KIF1A: variants seen among roughly 807,000 people sequenced by gnomAD.
The protein encoded by KIF1A is kinesin family member 1A.
A neutral mutation model predicts 227.3 loss-of-function variants in KIF1A; 46 were observed. The observed-to-expected ratio is 0.20, with a 90% CI of 0.16 to 0.26. The LOEUF is 0.26. KIF1A is among the 10% of genes least tolerant of loss of function. KIF1A has a pLI of 1.00. For missense variants in KIF1A, 1,683 were observed against 2,485.9 expected (o/e 0.68, Z 6.87); for synonymous variants, 1,022 against 1,012.8 (o/e 1.01, Z -0.17).
intron 47 of KIF1A, 122 bp from the exon 48 acceptor site, chr2:240,718,290 C>A: frequency 1.4e-6 from 1 of 738,094 alleles, no homozygotes; most frequent in Non-Finnish European, 2.4e-6. Context: ...AGGGAGGGGA[C>A]ACGGAGGGGA....
chr2:240,721,478 T>C (rs1310518185), intron 44 of KIF1A, among the ~76,000 whole-genome samples: 3 of 152,078 alleles, frequency 2.0e-5, no homozygotes, highest in Non-Finnish European at 2.9e-5. Context: ...GACAGCCAAG[T>C]GGGAGCTTGA....
Position 240,765,800 on chromosome 2 carries a change from G to A in KIF1A, c.1685-7C>T, listed in dbSNP as rs1266428045. 1.9e-6 allele frequency: 3 copies of A among 1,610,782 alleles called. No homozygotes were observed. The highest frequency in any genetic ancestry group is 4.5e-5 in the East Asian group (2 of 44,880). On this transcript the variant is annotated splice_polypyrimidine_tract_variant and splice_region_variant and intron_variant, in intron 19 of 48. Transcript: ENST00000498729. ...GGCTCCAAGGTCACCACAGCTACAG[G>A]AAAGGTGGGAGGGGCAGAGAGGAGG... is the stretch of plus-strand genomic sequence containing the variant.
At chr2:240,780,309 C>T (rs893533857) in intron 10 of KIF1A, among the ~76,000 whole-genome samples, 2 of 152,070 alleles carry the variant, frequency 1.3e-5, no homozygotes, top group Admixed American at 6.6e-5. Context: ...CACACACTTC[C>T]GCTCCCATTT....
At chr2:240,785,612 C>T (rs2054638629) in intron 6 of KIF1A, among the ~76,000 whole-genome samples, 2 of 152,200 alleles carry the variant, frequency 1.3e-5, no homozygotes, top group African/African-American at 4.8e-5. Context: ...CCTGACCTGC[C>T]AGGGACCTCA....
At chr2:240,761,124 G>C in intron 24 of KIF1A, 105 bp downstream of exon 24, 1 of 1,360,438 alleles carries the variant, frequency 7.4e-7, no homozygotes, top group South Asian at 1.4e-5. Flanking sequence ...GCCACCCCCG[G>C]GGCCGGCAGA....
chr2:240,741,489 C>G (rs1316051455), intron 34 of KIF1A, 112 bp from the exon 35 acceptor site: 1 of 757,874 alleles, frequency 1.3e-6, no homozygotes, highest in Non-Finnish European at 2.0e-6. Flanking sequence ...GCAGCAAGGG[C>G]ACCTCCCCCT....
intron 14 of KIF1A, among the ~76,000 whole-genome samples, chr2:240,772,146 G>A (rs2052089125): frequency 6.6e-6 from 1 of 152,168 alleles, no homozygotes; most frequent in African/African-American, 2.4e-5. Flanking sequence ...AAATGGCATT[G>A]CAGATGGAGG....
chr2:240,741,220 AC>A (rs746764501), intron 35 of KIF1A, 48 bp downstream of exon 35: 34 of 1,296,374 alleles, frequency 2.6e-5, no homozygotes, highest in Non-Finnish European at 2.9e-5. Context: ...CTCTCCGCGC[AC>A]CCCCCGACAC....
At chr2:240,745,677 C>T (rs753644597) in intron 31 of KIF1A, 61 bp downstream of exon 31, 29 of 1,568,474 alleles carry the variant, frequency 1.8e-5, no homozygotes, top group African/African-American at 1.1e-4. Flanking sequence ...CACCCAGGCA[C>T]GGGAGCCTTG....
rs1293209004 is a variant in KIF1A, at chr2:240,792,338, G to T, written c.107-3026C>A. ...GGAGGGAGAAACAGGTCCTCCCAGG[G>T]CCTGCTGGGCTGGGCTCCTCAGCCA... On this transcript the variant is annotated intron_variant, in intron 2 of 48. Transcript: ENST00000498729. The surrounding 1 kb of genome is among the most constrained non-coding windows in gnomAD (Gnocchi z 4.5). Among the ~76,000 whole-genome samples, 2 of 152,074 alleles carry T rather than the reference G, an allele frequency of 1.3e-5. No homozygotes were observed. Among genetic ancestry groups the T allele is most frequent in the East Asian group, 3.9e-4 (2 of 5,134 alleles).
rs2049979348 is a variant in KIF1A at position 240,757,413 on chromosome 2, C to T, written c.2764G>A (p.Glu922Lys). The T allele has an allele frequency of 6.5e-7, 1 of 1,533,978 alleles. No individual in the cohort carries two copies. The highest frequency in any genetic ancestry group is 8.7e-7 in the Non-Finnish European group (1 of 1,143,084). ...EEEEEEDEEEEDLEDDVFPEH... is the reference protein window; with the variant it reads ...EEEEEEDEEEKDLEDDVFPEH... ...GGAAAGACGTCGTCCTCCAGGTCCT[C>T]CTCCTCCTCATCCTCCTCCTCCTCC... is the stretch of plus-strand genomic sequence containing the variant. Residue 922 changes from glutamate to lysine, a missense_variant, in exon 27 of 49, where the codon GAG (glutamate) becomes AAG (lysine). Glu to Lys is a moderately conservative substitution (Grantham distance 56, BLOSUM62 1). This residue lies in a region of KIF1A where 759 missense variants were observed against 1,020.2 expected (regional missense o/e 0.74). Coordinates refer to ENST00000498729, the MANE Select transcript of KIF1A (RefSeq NM_001244008.2). This position sits in a 1 kb window ranked among gnomAD's most constrained non-coding sequence, Gnocchi z 6.2.
chr2:240,718,613 G>A (rs984023392), intron 47 of KIF1A, among the ~76,000 whole-genome samples: 2 of 152,264 alleles, frequency 1.3e-5, no homozygotes, highest in Non-Finnish European at 2.9e-5. Flanking sequence ...CATTCCAGAC[G>A]GAGGGGCTGG....
In KIF1A at chr2:240,771,100, G is replaced by T. The variant is rs1013469569; in HGVS notation, c.1212C>A (p.Thr404=). The change falls in exon 15 of 49, where the codon ACC becomes ACA. Residue 404 remains threonine, a synonymous_variant. Transcript: ENST00000498729. ...TNTVPGGPKL[T]NALVGMSPSS... is the part of the protein sequence containing the mutation. ...AGGGGCTCATACCCACCAGGGCATT[G>T]GTCACTGTGGAGAGAGGGTCAGGGG... is the stretch of plus-strand genomic sequence containing the variant. 2.5e-6 allele frequency: 4 copies of T among 1,613,418 alleles called. No individual in the cohort carries two copies. The Admixed American group carries it at 5.0e-5, about 20-fold the overall frequency.
Position 240,778,009 on chromosome 2 carries a change from C to G in KIF1A, c.883-2083G>C, listed in dbSNP as rs139081151. Reference sequence around the variant, plus strand: ...CCCTCAAGGAGCTCTCGCCGTTCCCCGCACGGTTCCCACGCGGCTGCTCGC... The same window carrying G: ...CCCTCAAGGAGCTCTCGCCGTTCCCGGCACGGTTCCCACGCGGCTGCTCGC... On this transcript the variant is annotated intron_variant, in intron 10 of 48. Coordinates refer to ENST00000498729, the MANE Select transcript of KIF1A (RefSeq NM_001244008.2). This position sits in a 1 kb window ranked among gnomAD's most constrained non-coding sequence, Gnocchi z 7.2. 6.6e-6 allele frequency among the ~76,000 whole-genome samples: 1 copy of G among 152,178 alleles called. No homozygotes were observed. Among genetic ancestry groups the G allele is most frequent in the Non-Finnish European group, 1.5e-5 (1 of 68,026 alleles).
intron 27 of KIF1A, among the ~76,000 whole-genome samples, chr2:240,750,860 T>C (rs1269933710): frequency 6.6e-6 from 1 of 152,106 alleles, no homozygotes; most frequent in Non-Finnish European, 1.5e-5. Context: ...TTCAGCCTGC[T>C]TCAAGGAGGA....
chr2:240,800,575 G>C (rs2056885314), intron 1 of KIF1A, among the ~76,000 whole-genome samples: 1 of 152,228 alleles, frequency 6.6e-6, no homozygotes, highest in Non-Finnish European at 1.5e-5. Flanking sequence ...CCGTTGCTGA[G>C]GGACGGAGGA....
chr2:240,772,113 G>A (rs746825882), intron 14 of KIF1A, among the ~76,000 whole-genome samples: 18 of 152,248 alleles, frequency 1.2e-4, no homozygotes, highest in Non-Finnish European at 2.2e-4. Flanking sequence ...GGGCCTGGGC[G>A]TGGGGGGTCA....
At chr2:240,750,990 C>T (rs986151878) in intron 27 of KIF1A, among the ~76,000 whole-genome samples, 3 of 152,280 alleles carry the variant, frequency 2.0e-5, no homozygotes, top group Admixed American at 1.3e-4. Context: ...TCACGGACCC[C>T]GCAGAACCCC....
At chr2:240,779,087 C>T (rs960241964) in intron 10 of KIF1A, among the ~76,000 whole-genome samples, 11 of 151,298 alleles carry the variant, frequency 7.3e-5, no homozygotes, top group Non-Finnish European at 1.6e-4. Context: ...GTTCCACACT[C>T]AGTTCCTCAC....
Sources: gnomAD v4.1 joint callset for allele counts (sites outside exome capture counted in the v4.1 genomes callset) on GRCh38, gnomAD v4.1.1 for gene constraint, gnomAD v4.1.1 regional missense constraint, Gnocchi (gnomAD v3.1) non-coding constraint, MANE v1.5 for transcripts, NCBI Gene and HGNC (gene_info 2026-07-23, HGNC 2026-07-21) for gene names.